CATSPERG: variants seen among roughly 807,000 people sequenced by gnomAD.
CATSPERG encodes the protein cation channel sperm-associated auxiliary subunit gamma.
In CATSPERG, 115 loss-of-function variants were observed where a neutral mutation model predicts 145.0. That is an observed-to-expected ratio of 0.79 (90% CI 0.68 to 0.93). The LOEUF is 0.93. Ranked by LOEUF, CATSPERG falls within the 40% of genes least tolerant of loss-of-function variation. The pLI is 0.00. For missense variants in CATSPERG, 1,296 were observed against 1,490.1 expected (o/e 0.87, Z 2.14); for synonymous variants, 588 against 589.0 (o/e 1.00, Z 0.02).
chr19:38,340,120 C>G (rs1446012984), intron 3 of CATSPERG, among the ~76,000 whole-genome samples: 1 of 152,086 alleles, frequency 6.6e-6, no homozygotes, highest in Non-Finnish European at 1.5e-5. Flanking sequence ...TCCCAAAGTG[C>G]TGGGACTACA....
chr19:38,336,555 C>T, intron 1 of CATSPERG: 2 of 272,004 alleles, frequency 7.4e-6, no homozygotes, highest in South Asian at 3.1e-5. Context: ...GGGCGGGGCC[C>T]GGAGACGGGC....
rs771739027 is a variant in CATSPERG, at chr19:38,356,866, T to G, written c.1315+5T>G. ...AGGTGGTCAGCTACAACACAGGTAA[T>G]GAGGGTGATGCAAGGGGCTGGGCAC... On this transcript the variant is annotated splice_donor_5th_base_variant and intron_variant, in intron 11 of 28. Coordinates refer to ENST00000409235, the MANE Select transcript of CATSPERG (RefSeq NM_021185.5). 3 of 1,613,582 alleles carry G rather than the reference T, an allele frequency of 1.9e-6. No homozygotes were observed. In the South Asian group the frequency reaches 3.3e-5, roughly 18 times the overall value.
At chr19:38,336,393 C>A in intron 1 of CATSPERG, 1 of 350,008 alleles carries the variant, frequency 2.9e-6, no homozygotes, top group South Asian at 2.0e-5. Context: ...GAACCAATCG[C>A]CGAGAACCCG....
At chr19:38,367,026 G>T in intron 22 of CATSPERG, 130 bp from the exon 23 acceptor site, 1 of 782,446 alleles carries the variant, frequency 1.3e-6, no homozygotes, top group Non-Finnish European at 2.0e-6. Context: ...TATTGCCCTT[G>T]GGGGTGAGGG....
chr19:38,336,156 G>GT (rs1969831135), intron 1 of CATSPERG: 1 of 456,168 alleles, frequency 2.2e-6, no homozygotes, highest in African/African-American at 2.0e-5. Context: ...GGAAGGAAGA[G>GT]TAAGAAGTGG....
At chr19:38,356,030 T>C (rs1238377448) in intron 9 of CATSPERG, among the ~76,000 whole-genome samples, 1 of 152,176 alleles carries the variant, frequency 6.6e-6, no homozygotes, top group African/African-American at 2.4e-5. Context: ...AGTTGGTTTT[T>C]GTAAAGGTCT....
chr19:38,359,969 A>G, intron 14 of CATSPERG: 1 of 1,043,560 alleles, frequency 9.6e-7, no homozygotes, highest in South Asian at 3.5e-5. Flanking sequence ...TGTGCATGTC[A>G]GGGAGGGCTT....
chr19:38,367,440 G>T, intron 23 of CATSPERG, 69 bp from the exon 24 acceptor site: 4 of 1,571,528 alleles, frequency 2.5e-6, no homozygotes, highest in Non-Finnish European at 3.5e-6. Context: ...ACTTTCCCCC[G>T]TCTCGGTCCT....
Position 38,337,408 on chromosome 19 carries a change from G to C in CATSPERG, c.174G>C (p.Glu58Asp). ...TGAACGAGTTTAAGAGGGTAGGCGA[G>C]AGTGGTGTGAGCGACAGCTTCTTTG... ...VVLNEFKRVG[E>D]SGVSDSFFEQ... The change falls in exon 2 of 29, where the codon GAG becomes GAC. Residue 58 changes from glutamate (E) to aspartate (D), a missense_variant. Glu to Asp is a conservative substitution (Grantham distance 45). Transcript: ENST00000409235. The C allele has an allele frequency of 6.4e-7, 1 of 1,552,018 alleles. No individual in the cohort carries two copies. Among genetic ancestry groups the C allele is most frequent in the Non-Finnish European group, 8.7e-7 (1 of 1,147,058 alleles).
Position 38,356,745 on chromosome 19 carries a change from C to G in CATSPERG, c.1199C>G (p.Thr400Ser), listed in dbSNP as rs1344046652. 2.5e-6 allele frequency: 4 copies of G among 1,614,012 alleles called. No homozygotes were observed. The Admixed American group carries it at 6.7e-5, about 27-fold the overall frequency. The change falls in exon 11 of 29, where the codon ACC becomes AGC. Residue 400 changes from threonine to serine, a missense_variant. By Grantham distance (58) the Thr-to-Ser change is moderately conservative (BLOSUM62 1). Coordinates refer to ENST00000409235, the MANE Select transcript of CATSPERG (RefSeq NM_021185.5). The stretch of plus-strand genomic sequence containing the variant: ...GGACTGCCCCTTTCCCTCTCAGTTA[C>G]CACCTGCTCCATAATTTGGTCTGAA... ...QWSVCEQIGV[T>S]TCSIIWSEYI...
intron 8 of CATSPERG, among the ~76,000 whole-genome samples, chr19:38,353,406 T>C (rs1479573591): frequency 6.6e-6 from 1 of 151,402 alleles, no homozygotes; most frequent in Non-Finnish European, 1.5e-5. Context: ...AATGATACCG[T>C]GGCTGGGTGC....
intron 13 of CATSPERG, among the ~76,000 whole-genome samples, chr19:38,359,038 C>T (rs1288302634): frequency 5.3e-5 from 8 of 152,024 alleles, no homozygotes; most frequent in African/African-American, 1.9e-4. Context: ...TTAGTAGAGA[C>T]GCGGTTTCAC....
rs371023361 is a variant in CATSPERG, at chr19:38,362,287, T to C, written c.2157+15T>C. ...AACAAGACCAGGTAGGCGGAGCGGA[T>C]TGGGAGCCGGGAAAGGGGCGGCGCC... On this transcript the variant is annotated intron_variant, in intron 18 of 28. Coordinates refer to ENST00000409235, the MANE Select transcript of CATSPERG (RefSeq NM_021185.5). The C allele has an allele frequency of 5.0e-6, 8 of 1,613,470 alleles. No homozygotes were observed. The highest frequency in any genetic ancestry group is 2.2e-5 in the East Asian group (1 of 44,840).
At chr19:38,357,494 T>G (rs1970264893) in intron 11 of CATSPERG, among the ~76,000 whole-genome samples, 1 of 140,378 alleles carries the variant, frequency 7.1e-6, no homozygotes, top group African/African-American at 2.6e-5. Context: ...ACTACCTGGG[T>G]GACAGAGCAA....
intron 25 of CATSPERG, 68 bp downstream of exon 25, chr19:38,367,844 C>T: frequency 1.4e-6 from 2 of 1,451,558 alleles, no homozygotes; most frequent in Non-Finnish European, 1.9e-6. Context: ...ACTTCCAAGC[C>T]AAGCCCACCT....
chr19:38,364,641 T>C (rs1317124100), intron 20 of CATSPERG, among the ~76,000 whole-genome samples: 1 of 152,250 alleles, frequency 6.6e-6, no homozygotes, highest in Non-Finnish European at 1.5e-5. Flanking sequence ...CATTGAGCAC[T>C]GAGTGAACCA....
At position 38,367,277 on chromosome 19, in the gene CATSPERG, T is replaced by A; in HGVS notation, c.2735T>A (p.Val912Glu). 3 of 1,613,566 alleles carry A rather than the reference T, an allele frequency of 1.9e-6. No individual in the cohort carries two copies. The South Asian group carries it at 3.3e-5, about 18-fold the overall frequency. ...KNKHYFDCVN[V>E]NPEMPCFLFR... is the part of the protein sequence containing the mutation. The stretch of plus-strand genomic sequence containing the variant: ...AAACACTACTTTGACTGCGTTAACG[T>A]GAACCCGGAGATGCCCTGCTTTCTC... The change falls in exon 23 of 29, where the codon GTG becomes GAG. Residue 912 changes from valine to glutamate, a missense_variant. Coordinates refer to ENST00000409235, the MANE Select transcript of CATSPERG (RefSeq NM_021185.5).
At chr19:38,355,310 A>C (rs937855360) in intron 9 of CATSPERG, among the ~76,000 whole-genome samples, 1 of 152,096 alleles carries the variant, frequency 6.6e-6, no homozygotes, top group Non-Finnish European at 1.5e-5. Flanking sequence ...GCACCACTGC[A>C]CTCCAGCCTG....
At position 38,354,727 on chromosome 19, in the gene CATSPERG, C is replaced by T. The variant is rs370196797; in HGVS notation, c.1015C>T (p.Leu339=). The T allele has an allele frequency of 2.0e-5, 33 of 1,614,038 alleles. No homozygotes were observed. In the African/African-American group the frequency reaches 4.4e-4, roughly 22 times the overall value. The change falls in exon 9 of 29, where the codon CTG becomes TTG. Residue 339 remains leucine (L), a synonymous_variant. Coordinates refer to ENST00000409235, the MANE Select transcript of CATSPERG (RefSeq NM_021185.5). ...TTCACTAGGCAGTTGGATTCGTGTC[C>T]TGGCCAGCGAGTGCATCAAGAAGCT... ...NRGSGSWIRV[L]ASECIKKLCP...
Sources: allele counts gnomAD v4.1 joint callset (sites outside exome capture counted in the v4.1 genomes callset), GRCh38; gene constraint gnomAD v4.1.1; transcripts MANE v1.5; gene names NCBI Gene and HGNC (gene_info 2026-07-23, HGNC 2026-07-21).